PPP1R3F: variants seen among roughly 807,000 people sequenced by gnomAD.
The protein encoded by PPP1R3F is protein phosphatase 1, regulatory (inhibitor) subunit 3F.
Under a neutral mutation model 24.2 loss-of-function variants are expected in PPP1R3F, and 29 were observed. The ratio of observed to expected loss-of-function variants is 1.20; its 90% CI spans 0.89 to 1.63. The LOEUF (loss-of-function observed/expected upper bound fraction) is 1.63. PPP1R3F is among the 40% of genes most tolerant of loss of function. The probability of loss-of-function intolerance (pLI) is 0.00; values close to 1 mark genes in which losing one functional copy is unlikely to be tolerated. For missense variants in PPP1R3F, 823 were observed against 729.3 expected (o/e 1.13, Z -1.48); for synonymous variants, 363 against 340.1 (o/e 1.07, Z -0.74).
At chrX:49,280,093 G>T (rs1655335389) in intron 1 of PPP1R3F, among the ~76,000 whole-genome samples, 1 of 111,731 alleles carries the variant, frequency 9.0e-6, no homozygotes, top group South Asian at 3.8e-4. Context: ...GAGTGAGGAG[G>T]TGAAGCGACC....
Position 49,270,063 on chromosome X carries a change from TGGC to T in PPP1R3F, c.204_206del (p.Ala69del), listed in dbSNP as rs1557118614. On this transcript the variant is annotated inframe_deletion, in exon 1 of 4. Coordinates refer to ENST00000055335, the MANE Select transcript of PPP1R3F (RefSeq NM_033215.5). Reference sequence around the variant, plus strand: ...TGGGGCGGGCCCGGGGCGGGCAAGATGGCGGCGGCGGCCGGGCAAGATGGCGGC... The same window carrying T: ...TGGGGCGGGCCCGGGGCGGGCAAGATGGCGGCGGCCGGGCAAGATGGCGGC... 1.0e-5 allele frequency: 10 copies of T among 989,015 alleles called. No homozygotes were observed. Among genetic ancestry groups the T allele is most frequent in the Middle Eastern group, 4.0e-4 (1 of 2,481 alleles). The allele number at this position is 989,015 out of a possible 1,213,427, so 81.5% of individuals were successfully genotyped here.
At chrX:49,273,701 G>T (rs1261907246) in intron 1 of PPP1R3F, 10 of 112,453 alleles carry the variant, frequency 8.9e-5, no homozygotes, top group Non-Finnish European at 1.7e-4. Flanking sequence ...AAATGGCGGA[G>T]GATCTCAGGG....
At position 49,286,001 on chromosome X, in the gene PPP1R3F, C is replaced by T. The variant is rs782715559; in HGVS notation, c.1311C>T (p.Pro437=). ...GGSPRDQASG[P]DASEGATGPF... is the part of the protein sequence containing the mutation. ...CCCCCAGAGACCAGGCCTCAGGGCC[C>T]GATGCGAGCGAGGGGGCCACCGGGC... is the stretch of plus-strand genomic sequence containing the variant. Residue 437 remains proline, a synonymous_variant, in exon 4 of 4, where the codon CCC becomes CCT. Coordinates refer to ENST00000055335, the MANE Select transcript of PPP1R3F (RefSeq NM_033215.5). The T allele has an allele frequency of 1.4e-5, 16 of 1,184,397 alleles. No individual in the cohort carries two copies. Among genetic ancestry groups the T allele is most frequent in the East Asian group, 6.0e-5 (2 of 33,237 alleles).
rs2066294086 is a variant in PPP1R3F at position 49,287,387 on chromosome X, T to C, written c.*297T>C. The C allele has an allele frequency of 3.4e-6, 1 of 293,429 alleles. No homozygotes were observed. Among genetic ancestry groups the C allele is most frequent in the African/African-American group, 2.8e-5 (1 of 36,114 alleles). 24.2% of individuals were successfully genotyped at this position (293,429 alleles called of 1,213,427 possible). On this transcript the variant is annotated 3_prime_UTR_variant, in exon 4 of 4. Coordinates refer to ENST00000055335, the MANE Select transcript of PPP1R3F (RefSeq NM_033215.5). ...GAGGGAGAGTGGTCGTGAGCTGGTC[T>C]TGGGGCACAATTACCCAGAGATATA... is the stretch of plus-strand genomic sequence containing the variant.
intron 3 of PPP1R3F, among the ~76,000 whole-genome samples, chrX:49,299,022 A>G (rs1360012952): frequency 9.0e-6 from 1 of 110,505 alleles, no homozygotes; most frequent in African/African-American, 3.3e-5. Context: ...CGTCAAACTC[A>G]TTCTCGGTCC....
chrX:49,289,740 T>G (rs1250979806), downstream of PPP1R3F, among the ~76,000 whole-genome samples: 1 of 111,367 alleles, frequency 9.0e-6, no homozygotes, highest in Non-Finnish European at 1.9e-5. Flanking sequence ...CCTGGGAGAC[T>G]GTTCATGGAT....
intron 1 of PPP1R3F, chrX:49,275,356 A>C (rs782701400): frequency 6.3e-5 from 7 of 110,983 alleles, no homozygotes; most frequent in Non-Finnish European, 1.1e-4. Flanking sequence ...CCTTAGCTTC[A>C]TGTATCCAAA....
rs1371027498 is a variant in PPP1R3F at position 49,270,910 on chromosome X, CTG to C, written c.1004+41_1004+42del. On this transcript the variant is annotated intron_variant, in intron 1 of 3. Transcript: ENST00000055335. The stretch of plus-strand genomic sequence containing the variant: ...CAGCGCCACCTCCGCCAACGCAGGG[CTG>C]TGTCTGGGATGGAGGACAAGCATTC... 3 of 1,133,840 alleles carry C rather than the reference CTG, an allele frequency of 2.6e-6. No homozygotes were observed. In the African/African-American group the frequency reaches 5.4e-5, roughly 20 times the overall value. The allele number at this position is 1,133,840 out of a possible 1,213,427, so 93.4% of individuals were successfully genotyped here.
chrX:49,270,169 GC>G lies in PPP1R3F; in HGVS notation c.303del (p.Ser102HisfsTer70). 1 of 1,094,862 alleles carries G rather than the reference GC, an allele frequency of 9.1e-7. No homozygotes were observed. The allele number at this position is 1,094,862 out of a possible 1,213,427, so 90.2% of individuals were successfully genotyped here. A position where few individuals can be genotyped will look rare whatever the true frequency, so the allele number is the denominator to read the frequency against. On this transcript the variant is annotated frameshift_variant, in exon 1 of 4. Transcript: ENST00000055335. LOFTEE classifies it high-confidence loss of function. ...GEEEEEACPE[P>X]SPLCPVPAGG... Reference sequence around the variant, plus strand: ...AGGAGGAAGAGGAGGCTTGCCCCGAGCCCTCACCGCTGTGCCCCGTCCCCGC... The same window carrying G: ...AGGAGGAAGAGGAGGCTTGCCCCGAGCCTCACCGCTGTGCCCCGTCCCCGC...
chrX:49,300,308 A>G (rs782713569), intron 3 of PPP1R3F, among the ~76,000 whole-genome samples: 2 of 109,207 alleles, frequency 1.8e-5, no homozygotes, highest in Admixed American at 9.8e-5. Context: ...GCAGTGCCCC[A>G]CTCTACTTCG....
chrX:49,279,083 T>C (rs1569530662), intron 1 of PPP1R3F, among the ~76,000 whole-genome samples: 1 of 112,087 alleles, frequency 8.9e-6, no homozygotes, highest in Non-Finnish European at 1.9e-5. Context: ...ATAGGGTGAT[T>C]GTGAGGATTG....
At chrX:49,282,658 A>G (rs1197697585) in intron 3 of PPP1R3F, among the ~76,000 whole-genome samples, 1 of 108,906 alleles carries the variant, frequency 9.2e-6, no homozygotes, top group Non-Finnish European at 1.9e-5. Context: ...TGAGGCCATG[A>G]CTAACGTGTG....
downstream of PPP1R3F, among the ~76,000 whole-genome samples, chrX:49,291,384 G>C (rs953733064): frequency 9.4e-6 from 1 of 105,842 alleles, no homozygotes; most frequent in Non-Finnish European, 1.9e-5. Context: ...CTGGAGTGAA[G>C]TGGCACATTC....
chrX:49,270,554 G>C lies in PPP1R3F; in HGVS notation c.685G>C (p.Ala229Pro). Residue 229 changes from alanine to proline, a missense_variant, in exon 1 of 4, where the codon GCA becomes CCA. Transcript: ENST00000055335. ...GGGGCTCGGCCTGGGTCCCGGCCAGGCATCCGCCTCCTCGCCCGACGACGG... is the reference window on the plus strand; with the variant it reads ...GGGGCTCGGCCTGGGTCCCGGCCAGCCATCCGCCTCCTCGCCCGACGACGG... The part of the protein sequence containing the change: ...DPGLGLGPGQ[A>P]SASSPDDGGR... 8.3e-7 allele frequency: 1 copy of C among 1,203,941 alleles called. No homozygotes were observed. Among genetic ancestry groups the C allele is most frequent in the Non-Finnish European group, 1.1e-6 (1 of 894,148 alleles).
At chrX:49,277,208 C>A (rs782085643) in intron 1 of PPP1R3F, among the ~76,000 whole-genome samples, 1 of 112,842 alleles carries the variant, frequency 8.9e-6, no homozygotes, top group Non-Finnish European at 1.9e-5. Flanking sequence ...TGGCCTAGGC[C>A]GGGGCCAACA....
intron 1 of PPP1R3F, among the ~76,000 whole-genome samples, chrX:49,279,513 G>A (rs781999707): frequency 9.0e-6 from 1 of 111,648 alleles, no homozygotes; most frequent in African/African-American, 3.3e-5. Context: ...GCGAAACCCC[G>A]TCTCTATTAA....
Position 49,286,702 on chromosome X carries a change from C to T in PPP1R3F, c.2012C>T (p.Thr671Ile). The T allele has an allele frequency of 8.3e-7, 1 of 1,208,956 alleles. No homozygotes were observed. The highest frequency in any genetic ancestry group is 1.1e-6 in the Non-Finnish European group (1 of 893,969). The change falls in exon 4 of 4, where the codon ACA becomes ATA. Residue 671 changes from threonine (T) to isoleucine (I), a missense_variant. Transcript: ENST00000055335. ...ACTGAGTCCCTGGGGGAGGCCGGGA[C>T]AGAAGCCCAGATAGAGGTCACCAGT... ...GVTESLGEAG[T>I]EAQIEVTSEW...
At chrX:49,301,423 T>C (rs1557123351) in exon 4 of PPP1R3F, 17 of 623,609 alleles carry the variant, frequency 2.7e-5, no homozygotes, top group Non-Finnish European at 4.1e-5. Context: ...GGAAATTTGT[T>C]CATTAAAATT....
chrX:49,283,208 C>T (rs1362493497), intron 3 of PPP1R3F, among the ~76,000 whole-genome samples: 6 of 110,984 alleles, frequency 5.4e-5, no homozygotes, highest in African/African-American at 2.0e-4. Flanking sequence ...ATCCAGACAT[C>T]ATCCCATCCA....
Sources: gnomAD v4.1 joint callset for allele counts (sites outside exome capture counted in the v4.1 genomes callset) on GRCh38, gnomAD v4.1.1 for gene constraint, MANE v1.5 for transcripts, NCBI Gene and HGNC (gene_info 2026-07-23, HGNC 2026-07-21) for gene names.